ANO3: variants seen among roughly 807,000 people sequenced by gnomAD.
The protein encoded by ANO3 is anoctamin 3, also known as anoctamin-3.
A neutral mutation model predicts 144.8 loss-of-function variants in ANO3; 99 were observed. That is an observed-to-expected ratio of 0.68 (90% CI 0.58 to 0.81). The LOEUF (loss-of-function observed/expected upper bound fraction) is 0.81. ANO3 is among the 30% of genes least tolerant of loss of function. The pLI is 0.00. For missense variants in ANO3, 905 were observed against 1,202.2 expected, an observed-to-expected ratio of 0.75 and a Z score of 3.66; for synonymous variants, 414 against 392.6, an observed-to-expected ratio of 1.05 and a Z score of -0.64.
In ANO3 at chr11:26,542,045, G is replaced by A. The variant is rs1229497459; in HGVS notation, c.1131G>A (p.Lys377=). ...ERWARWGMWY[K]HQPLDLIRLY... ...GGGCACGCTGGGGAATGTGGTATAA[G>A]CATCAGCCTCTGGATTTAATCAGGT... The change falls in exon 11 of 27, where the codon AAG becomes AAA. Residue 377 remains lysine (K), a synonymous_variant. Transcript: ENST00000256737. 1 of 1,611,692 alleles carries A rather than the reference G, an allele frequency of 6.2e-7. No homozygotes were observed. Among genetic ancestry groups the A allele is most frequent in the South Asian group, 1.1e-5 (1 of 90,732 alleles).
intron 3 of ANO3, among the ~76,000 whole-genome samples, chr11:26,445,511 T>C (rs933240302): frequency 6.6e-6 from 1 of 152,220 alleles, no homozygotes; most frequent in Non-Finnish European, 1.5e-5. Flanking sequence ...TTCTCATCAC[T>C]TTTGTGTGTC....
chr11:26,415,911 A>G (rs377496723), intron 1 of ANO3, among the ~76,000 whole-genome samples: 16 of 152,104 alleles, frequency 1.1e-4, no homozygotes, highest in African/African-American at 2.9e-4. Context: ...TTTAAAAGAA[A>G]ATTTTGAGGT....
chr11:26,403,952 A>G (rs1021140473), intron 1 of ANO3, among the ~76,000 whole-genome samples: 7 of 151,840 alleles, frequency 4.6e-5, no homozygotes, highest in Non-Finnish European at 1.0e-4. Context: ...TCACCTCCTC[A>G]GAATGAAATT....
At chr11:26,256,068 C>G (rs150649101) in intron 1 of ANO3, among the ~76,000 whole-genome samples, 1 of 152,034 alleles carries the variant, frequency 6.6e-6, no homozygotes, top group Admixed American at 6.6e-5. Context: ...TATCAGGAAG[C>G]GGGGTCAGCA....
chr11:26,483,354 G>A (rs1581033), intron 4 of ANO3, among the ~76,000 whole-genome samples: 11,410 of 152,132 alleles, frequency 0.075, 603 homozygotes, highest in Admixed American at 0.13. Flanking sequence ...CACCCAAATC[G>A]CATGTTGAAA....
At chr11:26,265,409 G>A (rs951443011) in intron 1 of ANO3, among the ~76,000 whole-genome samples, 2 of 152,224 alleles carry the variant, frequency 1.3e-5, no homozygotes, top group Middle Eastern at 3.4e-3. Flanking sequence ...TCAATGCTTA[G>A]CTTTGATAAG....
intron 1 of ANO3, among the ~76,000 whole-genome samples, chr11:26,277,107 T>G (rs1853575353): frequency 6.6e-6 from 1 of 152,052 alleles, no homozygotes; most frequent in African/African-American, 2.4e-5. Flanking sequence ...CAGAAATAAA[T>G]CCATCCATAT....
At chr11:26,494,313 T>C (rs1449292051) in intron 4 of ANO3, among the ~76,000 whole-genome samples, 1 of 152,150 alleles carries the variant, frequency 6.6e-6, no homozygotes, top group African/African-American at 2.4e-5. Flanking sequence ...TGGTTGTCAT[T>C]CAGCTAGCAC....
At chr11:26,424,170 T>TC (rs1271663563) in intron 1 of ANO3, among the ~76,000 whole-genome samples, 1 of 151,826 alleles carries the variant, frequency 6.6e-6, no homozygotes, top group Non-Finnish European at 1.5e-5. Flanking sequence ...AAATAGATTT[T>TC]TTTTACTCTT....
At chr11:26,593,071 A>G (rs958338135) in intron 14 of ANO3, among the ~76,000 whole-genome samples, 1 of 151,882 alleles carries the variant, frequency 6.6e-6, no homozygotes, top group African/African-American at 2.4e-5. Context: ...ATGACCCTGG[A>G]AGTGTAAGAC....
chr11:26,259,104 G>C (rs768367528), intron 1 of ANO3, among the ~76,000 whole-genome samples: 1 of 152,106 alleles, frequency 6.6e-6, no homozygotes, highest in South Asian at 2.1e-4. Context: ...TATTCCTCTG[G>C]CCATAATACT....
intron 1 of ANO3, among the ~76,000 whole-genome samples, chr11:26,263,906 C>A (rs969987726): frequency 3.3e-5 from 5 of 152,198 alleles, no homozygotes; most frequent in African/African-American, 9.6e-5. Flanking sequence ...AAAAACCTAA[C>A]CTCAGTCATA....
At chr11:26,639,110 C>A in intron 20 of ANO3, 34 bp from the exon 21 acceptor site, 1 of 1,413,094 alleles carries the variant, frequency 7.1e-7, no homozygotes, top group Non-Finnish European at 1.0e-6. Flanking sequence ...GGGAAGAAGA[C>A]CAATATCATT....
At chr11:26,247,726 C>CTTTTTTTTTT (rs532538445) in intron 1 of ANO3, among the ~76,000 whole-genome samples, 24 of 104,188 alleles carry the variant, frequency 2.3e-4, no homozygotes, top group South Asian at 3.6e-4. Flanking sequence ...GCTCCAGTCA[C>CTTTTTTTTTT]TTTTTTTTTT....
intron 1 of ANO3, among the ~76,000 whole-genome samples, chr11:26,381,443 T>TAAAAG (rs1856587196): frequency 6.6e-6 from 1 of 152,208 alleles, no homozygotes; most frequent in Non-Finnish European, 1.5e-5. Flanking sequence ...ATAGGCTTTT[T>TAAAAG]CCTACTACGC....
intron 1 of ANO3, among the ~76,000 whole-genome samples, chr11:26,269,709 G>A (rs755626330): frequency 6.6e-6 from 1 of 152,128 alleles, no homozygotes; most frequent in Non-Finnish European, 1.5e-5. Flanking sequence ...GTGATCCTAA[G>A]GAGTCACGGA....
At chr11:26,243,768 CT>C (rs573554571) in intron 1 of ANO3, among the ~76,000 whole-genome samples, 1,728 of 152,194 alleles carry the variant, frequency 0.011, 14 homozygotes, top group Non-Finnish European at 0.019. Flanking sequence ...ATTCAAATAT[CT>C]GGCCACATTC....
At chr11:26,284,012 C>A (rs185283046) in intron 1 of ANO3, among the ~76,000 whole-genome samples, 1 of 152,150 alleles carries the variant, frequency 6.6e-6, no homozygotes, top group Non-Finnish European at 1.5e-5. Context: ...TGTGGGGGAA[C>A]TGTGCTGGGG....
intron 14 of ANO3, among the ~76,000 whole-genome samples, chr11:26,574,454 A>G (rs1376721690): frequency 2.0e-5 from 3 of 152,178 alleles, no homozygotes; most frequent in East Asian, 3.9e-4. Context: ...AGATTCACTG[A>G]TAGCATATTT....
Sources: allele counts gnomAD v4.1 joint callset (sites outside exome capture counted in the v4.1 genomes callset), GRCh38; gene constraint gnomAD v4.1.1; transcripts MANE v1.5; gene names NCBI Gene and HGNC (gene_info 2026-07-23, HGNC 2026-07-21).